The following ATP6V1H variants were observed in gnomAD, a reference collection of about 807,000 sequenced individuals.
ATP6V1H encodes the protein V-type proton ATPase subunit H.
Under a neutral mutation model 71.7 loss-of-function variants are expected in ATP6V1H, and 39 were observed. The ratio of observed to expected loss-of-function variants is 0.54; its 90% CI spans 0.42 to 0.71. The LOEUF (loss-of-function observed/expected upper bound fraction) is 0.71, where lower values mean the gene tolerates loss of function less well. Among genes scored for constraint, ATP6V1H ranks in the 30% least tolerant of loss-of-function variants. The probability of loss-of-function intolerance (pLI) is 0.00; values close to 1 mark genes in which losing one functional copy is unlikely to be tolerated. For missense variants in ATP6V1H, 509 were observed against 594.9 expected, an observed-to-expected ratio of 0.86 and a Z score of 1.50; for synonymous variants, 192 against 199.3, an observed-to-expected ratio of 0.96 and a Z score of 0.31.
At chr8:53,796,995 TTC>T in intron 8 of ATP6V1H, among the ~76,000 whole-genome samples, 1 of 152,394 alleles carries the variant, frequency 6.6e-6, no homozygotes, top group South Asian at 2.1e-4. Context: ...TTGCCTTGTC[TTC>T]TCTATTTTTG....
chr8:53,777,657 T>G (rs1340576998), intron 9 of ATP6V1H, among the ~76,000 whole-genome samples: 1 of 152,166 alleles, frequency 6.6e-6, no homozygotes, highest in African/African-American at 2.4e-5. Flanking sequence ...AGTAAATATT[T>G]TAGGCTTTGC....
At chr8:53,807,461 C>T (rs923895143) in intron 7 of ATP6V1H, among the ~76,000 whole-genome samples, 3 of 152,004 alleles carry the variant, frequency 2.0e-5, no homozygotes, top group Non-Finnish European at 2.9e-5. Flanking sequence ...AAACTAAGTC[C>T]TTTTTCCTCT....
chr8:53,721,924 G>A lies in ATP6V1H; in HGVS notation c.1392-5900C>T, dbSNP rs573756486. On this transcript the variant is annotated intron_variant, in intron 13 of 13. Transcript: ENST00000359530. ...TCCATGAAATTAAAAAGGAAAAAGAGATCAGTGATTCTAAAAGTCTATTCG... is the reference window on the plus strand; with the variant it reads ...TCCATGAAATTAAAAAGGAAAAAGAAATCAGTGATTCTAAAAGTCTATTCG... Among the ~76,000 whole-genome samples, 3 of 152,246 alleles carry A rather than the reference G, an allele frequency of 2.0e-5. No homozygotes were observed. In the South Asian group the frequency reaches 6.2e-4, roughly 32 times the overall value.
chr8:53,775,951 G>T (rs1490248326), intron 9 of ATP6V1H, among the ~76,000 whole-genome samples: 1 of 152,252 alleles, frequency 6.6e-6, no homozygotes, highest in Non-Finnish European at 1.5e-5. Flanking sequence ...GGAGCAGGGG[G>T]CGGTGCTCAT....
rs145185152 is a variant in ATP6V1H, at chr8:53,751,257, C to G, written c.1277+5298G>C. Among the ~76,000 whole-genome samples, 697 of 152,294 alleles carry G rather than the reference C, an allele frequency of 4.6e-3. 4 individuals carry two copies. The highest frequency in any genetic ancestry group is 7.9e-3 in the Non-Finnish European group (536 of 68,024). On this transcript the variant is annotated intron_variant, in intron 12 of 13. Transcript: ENST00000359530. ...ACAAGTCCACATATAATCTGAATATCTCAAACTCTGGACAAGTTTCTAACT... is the reference window on the plus strand; with the variant it reads ...ACAAGTCCACATATAATCTGAATATGTCAAACTCTGGACAAGTTTCTAACT...
Position 53,801,911 on chromosome 8 carries a change from G to A in ATP6V1H, c.580-15C>T, listed in dbSNP as rs1809921828. 1 of 1,608,002 alleles carries A rather than the reference G, an allele frequency of 6.2e-7. No homozygotes were observed. Among genetic ancestry groups the A allele is most frequent in the East Asian group, 2.2e-5 (1 of 44,822 alleles). ...TACTGCGAACTCTGCACAAGAAGAA[G>A]TGTTGAGTTTTTAAATGGGAAGCAT... On this transcript the variant is annotated splice_polypyrimidine_tract_variant and intron_variant, in intron 7 of 13. Transcript: ENST00000359530.
intron 11 of ATP6V1H, among the ~76,000 whole-genome samples, chr8:53,760,437 G>A (rs1487973665): frequency 3.9e-5 from 6 of 152,280 alleles, no homozygotes; most frequent in Non-Finnish European, 7.4e-5. Context: ...CTATGCCAAT[G>A]TATAAAACCC....
intron 13 of ATP6V1H, among the ~76,000 whole-genome samples, chr8:53,735,971 G>A (rs755877003): frequency 5.9e-5 from 9 of 152,140 alleles, no homozygotes; most frequent in Non-Finnish European, 1.2e-4. Flanking sequence ...ATGAGACTGC[G>A]CTGCTGAGGA....
chr8:53,805,429 C>A (rs1431301331), intron 7 of ATP6V1H, among the ~76,000 whole-genome samples: 1 of 152,108 alleles, frequency 6.6e-6, no homozygotes, highest in Non-Finnish European at 1.5e-5. Context: ...TTAAACTTTT[C>A]TTTTTCTTTT....
chr8:53,829,683 A>G, intron 3 of ATP6V1H, 150 bp from the exon 4 acceptor site: 1 of 544,390 alleles, frequency 1.8e-6, no homozygotes, highest in Non-Finnish European at 3.2e-6. Flanking sequence ...TTTTATAAAT[A>G]TTGTGATGAA....
chr8:53,803,063 G>A (rs1184472339), intron 7 of ATP6V1H, among the ~76,000 whole-genome samples: 1 of 152,136 alleles, frequency 6.6e-6, no homozygotes, highest in Admixed American at 6.5e-5. Context: ...GAGGCTGGGT[G>A]CGGTGGCTCA....
At chr8:53,821,413 T>C (rs930191303) in intron 4 of ATP6V1H, among the ~76,000 whole-genome samples, 1 of 150,164 alleles carries the variant, frequency 6.7e-6, no homozygotes, top group Non-Finnish European at 1.5e-5. Flanking sequence ...CCAGGTGCGA[T>C]GGCTCACACC....
intron 13 of ATP6V1H, among the ~76,000 whole-genome samples, chr8:53,717,310 C>T (rs532283724): frequency 3.0e-4 from 45 of 152,276 alleles, no homozygotes; most frequent in African/African-American, 1.0e-3. Context: ...CACGCAGTGG[C>T]GGAGCAGCAG....
chr8:53,781,004 T>G (rs1296397439), intron 9 of ATP6V1H, among the ~76,000 whole-genome samples: 1 of 152,210 alleles, frequency 6.6e-6, no homozygotes, highest in Non-Finnish European at 1.5e-5. Context: ...TAAACATACG[T>G]GTGCATGTGT....
At chr8:53,785,548 A>T (rs923360007) in intron 9 of ATP6V1H, among the ~76,000 whole-genome samples, 1 of 152,202 alleles carries the variant, frequency 6.6e-6, no homozygotes, top group Non-Finnish European at 1.5e-5. Flanking sequence ...CGTCAAAGTA[A>T]TTCTCCATCC....
chr8:53,719,541 A>G (rs1376253582), intron 13 of ATP6V1H, among the ~76,000 whole-genome samples: 1 of 152,194 alleles, frequency 6.6e-6, no homozygotes, highest in Non-Finnish European at 1.5e-5. Flanking sequence ...TGGGGGACAC[A>G]AGCCTGCCTC....
At chr8:53,725,322 C>A (rs907697304) in intron 13 of ATP6V1H, among the ~76,000 whole-genome samples, 1 of 152,102 alleles carries the variant, frequency 6.6e-6, no homozygotes, top group African/African-American at 2.4e-5. Flanking sequence ...TCTACAGAGT[C>A]CTCACCAACA....
At position 53,838,125 on chromosome 8, in the gene ATP6V1H, G is replaced by A. The variant is rs1563319552; in HGVS notation, c.113+3453C>T. Reference sequence around the variant, plus strand: ...CTCGGCCTGGACAACTCCTGTTACTGTCTTTTTTTTTTTTCTTTGAGTCAG... The same window carrying A: ...CTCGGCCTGGACAACTCCTGTTACTATCTTTTTTTTTTTTCTTTGAGTCAG... On this transcript the variant is annotated intron_variant, in intron 2 of 13. Coordinates refer to ENST00000359530, the MANE Select transcript of ATP6V1H (RefSeq NM_015941.4). 2.6e-5 allele frequency among the ~76,000 whole-genome samples: 2 copies of A among 77,206 alleles called. 1 individual carries two copies. Among genetic ancestry groups the A allele is most frequent in the African/African-American group, 2.0e-4 (2 of 9,914 alleles). 50.7% of individuals were successfully genotyped at this position (77,206 alleles called of 152,430 possible).
chr8:53,803,488 C>T (rs1809981342), intron 7 of ATP6V1H, among the ~76,000 whole-genome samples: 1 of 152,152 alleles, frequency 6.6e-6, no homozygotes, highest in Non-Finnish European at 1.5e-5. Flanking sequence ...ATACATGATG[C>T]TACTAAACTT....
Sources: gnomAD v4.1 joint callset for allele counts (sites outside exome capture counted in the v4.1 genomes callset) on GRCh38, gnomAD v4.1.1 for gene constraint, MANE v1.5 for transcripts, NCBI Gene and HGNC (gene_info 2026-07-23, HGNC 2026-07-21) for gene names.